KALRN: variants seen among roughly 807,000 people sequenced by gnomAD.
KALRN encodes kalirin RhoGEF kinase, also known as kalirin.
Under a neutral mutation model 353.7 loss-of-function variants are expected in KALRN, and 70 were observed. The observed-to-expected ratio is 0.20, with a 90% CI of 0.16 to 0.24. The LOEUF (loss-of-function observed/expected upper bound fraction) is 0.24, where lower values mean the gene tolerates loss of function less well. Ranked by LOEUF, KALRN falls within the 10% of genes least tolerant of loss-of-function variation. The pLI, the probability that KALRN is intolerant of heterozygous loss-of-function variation, is 1.00. For missense variants in KALRN, 2,791 were observed against 3,756.7 expected (o/e 0.74, Z 6.72); for synonymous variants, 1,391 against 1,434.8 (o/e 0.97, Z 0.69).
At position 124,197,523 on chromosome 3, in the gene KALRN, T is replaced by C. The variant is rs185889475; in HGVS notation, c.74-30467T>C. 2.6e-3 allele frequency among the ~76,000 whole-genome samples: 402 copies of C among 152,342 alleles called. 1 individual carries two copies. Among genetic ancestry groups the C allele is most frequent in the Middle Eastern group, 3.4e-3 (1 of 294 alleles). On this transcript the variant is annotated intron_variant, in intron 1 of 59. Transcript: ENST00000682506. ...TGCCTTCATCCTCAGCCTTGATCCT[T>C]CTAGCTAGAACACTTTTCCGGTTGT...
intron 15 of KALRN, among the ~76,000 whole-genome samples, chr3:124,426,952 TCTAAG>T (rs1160863403): frequency 1.1e-4 from 17 of 152,250 alleles, no homozygotes; most frequent in African/African-American, 3.9e-4. Flanking sequence ...ATGTTGTGTC[TCTAAG>T]CTATGAGGAA....
At chr3:124,637,089 A>G in intron 36 of KALRN, 119 bp from the exon 37 acceptor site, 2 of 812,522 alleles carry the variant, frequency 2.5e-6, no homozygotes, top group Non-Finnish European at 4.2e-6. Context: ...TCTTCCGTCT[A>G]AACACAGAAC....
intron 13 of KALRN, among the ~76,000 whole-genome samples, chr3:124,405,775 C>G (rs2091466575): frequency 6.6e-6 from 1 of 151,376 alleles, no homozygotes; most frequent in Admixed American, 6.6e-5. Flanking sequence ...TCCTGAGTAG[C>G]TGGGACTACA....
chr3:124,644,121 G>A (rs114525196), intron 37 of KALRN, among the ~76,000 whole-genome samples: 1,781 of 152,020 alleles, frequency 0.012, 34 homozygotes, highest in African/African-American at 0.04. Context: ...TACATGTCCC[G>A]GTTTCCTAGC....
intron 11 of KALRN, among the ~76,000 whole-genome samples, chr3:124,394,814 C>T (rs1433619223): frequency 1.3e-5 from 2 of 152,138 alleles, no homozygotes; most frequent in Admixed American, 1.3e-4. Context: ...TCATTCTAGT[C>T]TCCTGTTCTT....
intron 47 of KALRN, among the ~76,000 whole-genome samples, chr3:124,668,624 A>AT (rs1420786005): frequency 2.0e-5 from 3 of 152,226 alleles, no homozygotes; most frequent in Non-Finnish European, 4.4e-5. Flanking sequence ...TACAGAAAGT[A>AT]TTTTTGGGCC....
chr3:124,251,363 T>G (rs1272601471), intron 3 of KALRN, among the ~76,000 whole-genome samples: 2 of 137,090 alleles, frequency 1.5e-5, no homozygotes, highest in Admixed American at 1.6e-4. Context: ...TGCTTTTTTT[T>G]TTTTTTTCTT....
chr3:124,096,407 G>A (rs1471754197), intron 1 of KALRN, among the ~76,000 whole-genome samples: 2 of 152,184 alleles, frequency 1.3e-5, no homozygotes, highest in African/African-American at 4.8e-5. Context: ...GGGAAAGACA[G>A]GAACAGGTGG....
At chr3:124,065,602 C>T (rs1350302938) in intron 1 of KALRN, among the ~76,000 whole-genome samples, 3 of 139,732 alleles carry the variant, frequency 2.1e-5, no homozygotes, top group Non-Finnish European at 4.5e-5. Context: ...ATTCTTTCTA[C>T]TTTTCCATAT....
At chr3:124,400,574 A>C (rs2090733201) in intron 13 of KALRN, among the ~76,000 whole-genome samples, 1 of 152,352 alleles carries the variant, frequency 6.6e-6, no homozygotes, top group South Asian at 2.1e-4. Context: ...AACAATAAAA[A>C]TGCCAGTGGG....
intron 16 of KALRN, among the ~76,000 whole-genome samples, chr3:124,432,486 G>A (rs2093318151): frequency 6.6e-6 from 1 of 152,130 alleles, no homozygotes; most frequent in South Asian, 2.1e-4. Context: ...GAAAATGAAG[G>A]CTGAGCGATC....
At chr3:124,139,729 C>T (rs373157882) in intron 1 of KALRN, among the ~76,000 whole-genome samples, 2 of 152,204 alleles carry the variant, frequency 1.3e-5, no homozygotes, top group Admixed American at 6.5e-5. Flanking sequence ...TGAGATAGAA[C>T]TGTGGGGGAT....
At chr3:124,655,558 A>C (rs4677939) in intron 38 of KALRN, 43 bp from the exon 39 acceptor site, 398,032 of 1,546,472 alleles carry the variant, frequency 0.26, 52,586 homozygotes, top group East Asian at 0.38. Context: ...TTTTTGGCTT[A>C]ACAATGAAGA....
chr3:124,298,534 C>A (rs2077021727), intron 5 of KALRN, among the ~76,000 whole-genome samples: 1 of 152,126 alleles, frequency 6.6e-6, no homozygotes, highest in Non-Finnish European at 1.5e-5. Flanking sequence ...TCCCAATTAT[C>A]TCACTCATTT....
At chr3:124,260,709 T>G (rs2072727775) in intron 3 of KALRN, among the ~76,000 whole-genome samples, 1 of 150,086 alleles carries the variant, frequency 6.7e-6, no homozygotes, top group African/African-American at 2.5e-5. Flanking sequence ...GTGGAGGGGG[T>G]GGGGTGTGCA....
chr3:124,524,621 GGA>G (rs2067435558), intron 33 of KALRN, among the ~76,000 whole-genome samples: 1 of 152,144 alleles, frequency 6.6e-6, no homozygotes, highest in South Asian at 2.1e-4. Flanking sequence ...TTGAGTTGTG[GGA>G]GAGAGTGGAA....
chr3:124,480,581 G>C (rs751457110), intron 27 of KALRN, among the ~76,000 whole-genome samples: 2 of 152,082 alleles, frequency 1.3e-5, no homozygotes, highest in Admixed American at 6.5e-5. Context: ...CCCATTTAAA[G>C]TATGAATTCA....
At chr3:124,430,895 A>C (rs1470077750) in intron 16 of KALRN, 120 bp downstream of exon 16, 31 of 1,269,918 alleles carry the variant, frequency 2.4e-5, no homozygotes, top group Non-Finnish European at 3.1e-5. Context: ...CTTCTAGTAG[A>C]ATGGTCCAGG....
intron 33 of KALRN, among the ~76,000 whole-genome samples, chr3:124,503,449 T>A (rs1445048401): frequency 1.5e-5 from 1 of 65,140 alleles, no homozygotes; most frequent in African/African-American, 3.5e-5. Flanking sequence ...AAATTGTAAT[T>A]TCTTTTTTTT....
Sources: gnomAD v4.1 joint callset for allele counts (sites outside exome capture counted in the v4.1 genomes callset) on GRCh38, gnomAD v4.1.1 for gene constraint, MANE v1.5 for transcripts, NCBI Gene and HGNC (gene_info 2026-07-23, HGNC 2026-07-21) for gene names.